RASA2: variants seen among roughly 807,000 people sequenced by gnomAD.
RASA2 encodes RAS p21 protein activator 2.
Under a neutral mutation model 118.2 loss-of-function variants are expected in RASA2, and 155 were observed. That is an observed-to-expected ratio of 1.31 (90% CI 1.15 to 1.50). The LOEUF (loss-of-function observed/expected upper bound fraction) is 1.50, where lower values mean the gene tolerates loss of function less well. RASA2 is among the 40% of genes most tolerant of loss of function. The pLI is 0.00. For synonymous variants in RASA2, 353 were observed against 349.1 expected (o/e 1.01, Z -0.12); for missense variants, 1,016 against 1,009.6 (o/e 1.01, Z -0.09).
chr3:141,570,087 C>CTTT (rs765302553), intron 9 of RASA2, among the ~76,000 whole-genome samples: 2 of 120,238 alleles, frequency 1.7e-5, no homozygotes, highest in African/African-American at 6.0e-5. Context: ...TGATAAAAAG[C>CTTT]TTTTTTTTTT....
intron 17 of RASA2, among the ~76,000 whole-genome samples, chr3:141,585,163 C>T (rs1282994027): frequency 1.3e-5 from 2 of 152,008 alleles, no homozygotes; most frequent in East Asian, 3.8e-4. Context: ...ATCATTGGGA[C>T]CAAAAGTATT....
At chr3:141,597,642 TA>T (rs764676847) in intron 19 of RASA2, among the ~76,000 whole-genome samples, 1 of 152,074 alleles carries the variant, frequency 6.6e-6, no homozygotes, top group Non-Finnish European at 1.5e-5. Context: ...CTTTTATTTT[TA>T]AAAAAAGAAA....
chr3:141,512,325 T>G (rs1330356601), intron 2 of RASA2, 45 bp downstream of exon 2: 4 of 1,274,922 alleles, frequency 3.1e-6, no homozygotes, highest in Non-Finnish European at 4.4e-6. Flanking sequence ...CTATATAGAT[T>G]GGTAAATATT....
At chr3:141,539,591 A>T (rs1474789249) in intron 4 of RASA2, among the ~76,000 whole-genome samples, 1 of 152,228 alleles carries the variant, frequency 6.6e-6, no homozygotes, top group Admixed American at 6.5e-5. Flanking sequence ...GAAATCACTC[A>T]CGTCATCAGT....
intron 11 of RASA2, 65 bp downstream of exon 11, chr3:141,571,619 T>C: frequency 6.7e-7 from 1 of 1,492,522 alleles, no homozygotes; most frequent in Middle Eastern, 1.7e-4. Flanking sequence ...GTTTGACAGA[T>C]TGATTTTGTA....
chr3:141,588,200 C>T (rs938030783), intron 19 of RASA2, among the ~76,000 whole-genome samples: 4 of 152,192 alleles, frequency 2.6e-5, no homozygotes, highest in African/African-American at 4.8e-5. Context: ...TGGAGGTATG[C>T]GTCTCCTTTT....
intron 4 of RASA2, among the ~76,000 whole-genome samples, chr3:141,535,345 G>T (rs1437728979): frequency 6.6e-6 from 1 of 152,062 alleles, no homozygotes; most frequent in Non-Finnish European, 1.5e-5. Flanking sequence ...TATTTCCAAG[G>T]TATGCCTGTA....
chr3:141,606,055 T>A (rs569462522), intron 19 of RASA2, among the ~76,000 whole-genome samples: 1 of 152,212 alleles, frequency 6.6e-6, no homozygotes, highest in Non-Finnish European at 1.5e-5. Flanking sequence ...GAGGGCCTGA[T>A]TGACCCAGCT....
chr3:141,521,022 A>G (rs1460961497), intron 3 of RASA2, among the ~76,000 whole-genome samples: 12 of 152,226 alleles, frequency 7.9e-5, no homozygotes. Context: ...GATAAAGAAC[A>G]CAGCAAGAAC....
At chr3:141,510,107 T>C (rs2081929517) in intron 1 of RASA2, among the ~76,000 whole-genome samples, 1 of 152,204 alleles carries the variant, frequency 6.6e-6, no homozygotes, top group Admixed American at 6.5e-5. Context: ...CTCTAAAATA[T>C]ATTGGTTTAA....
At position 141,515,306 on chromosome 3, in the gene RASA2, A is replaced by G. The variant is rs1000775854; in HGVS notation, c.252-1022A>G. Among the ~76,000 whole-genome samples the G allele has an allele frequency of 7.2e-5, 11 of 152,310 alleles. No homozygotes were observed. In the East Asian group the frequency reaches 2.1e-3, roughly 29 times the overall value. ...CATAACATTGGCTGTTTTAGGTATT[A>G]TGTATTGTAAATAATACAGCTTTAC... On this transcript the variant is annotated intron_variant, in intron 2 of 23. Transcript: ENST00000286364.
intron 7 of RASA2, among the ~76,000 whole-genome samples, chr3:141,557,766 A>G (rs2082671541): frequency 6.6e-6 from 1 of 152,194 alleles, no homozygotes; most frequent in African/African-American, 2.4e-5. Context: ...ATAGAGAGGA[A>G]GAGGCAGATA....
At chr3:141,574,633 T>G (rs2082981964) in intron 14 of RASA2, among the ~76,000 whole-genome samples, 1 of 152,212 alleles carries the variant, frequency 6.6e-6, no homozygotes, top group Admixed American at 6.5e-5. Context: ...CAAATCAAAA[T>G]CACCATTAAA....
In RASA2 at chr3:141,600,295, C is replaced by T. The variant is rs1019406115; in HGVS notation, c.1934-7383C>T. ...GTTTTCAGCCCCTTCTACTGCCTCA[C>T]ATTCTTCTCCTGCACTGTCTGATGT... On this transcript the variant is annotated intron_variant, in intron 19 of 23. Transcript: ENST00000286364. The T allele has an allele frequency of 1.3e-5, 7 of 538,082 alleles. No individual in the cohort carries two copies. The African/African-American group carries it at 1.4e-4, about 10-fold the overall frequency. The allele number at this position is 538,082 out of a possible 1,614,324, so 33.3% of individuals were successfully genotyped here.
intron 7 of RASA2, among the ~76,000 whole-genome samples, chr3:141,557,657 TGGCTTA>T (rs2082669920): frequency 6.6e-6 from 1 of 152,086 alleles, no homozygotes; most frequent in African/African-American, 2.4e-5. Context: ...GAGGTCCAGG[TGGCTTA>T]GGGAGAAAGA....
Position 141,496,978 on chromosome 3 carries a change from T to C in RASA2, c.133+9762T>C, listed in dbSNP as rs186347077. Among the ~76,000 whole-genome samples, 1,116 of 152,178 alleles carry C rather than the reference T, an allele frequency of 7.3e-3. 15 individuals carry two copies. The highest frequency in any genetic ancestry group is 0.025 in the African/African-American group (1,052 of 41,520). On this transcript the variant is annotated intron_variant, in intron 1 of 23. Transcript: ENST00000286364. Reference sequence around the variant, plus strand: ...GGCACATATACACCATGGAATACTATGCAGCCATAAAAATGGATGAATTCA... The same window carrying C: ...GGCACATATACACCATGGAATACTACGCAGCCATAAAAATGGATGAATTCA...
intron 19 of RASA2, among the ~76,000 whole-genome samples, chr3:141,603,719 C>A (rs1484864698): frequency 6.6e-6 from 1 of 152,096 alleles, no homozygotes; most frequent in Non-Finnish European, 1.5e-5. Context: ...CAAAAAGAAA[C>A]CCTATACCCA....
chr3:141,488,211 TTC>T (rs1011376842), intron 1 of RASA2, among the ~76,000 whole-genome samples: 8 of 152,184 alleles, frequency 5.3e-5, no homozygotes, highest in African/African-American at 7.2e-5. Flanking sequence ...GCTTTTTGTT[TTC>T]TGTTTGTAAG....
chr3:141,530,432 T>C (rs1210165755), intron 4 of RASA2, among the ~76,000 whole-genome samples: 3 of 152,164 alleles, frequency 2.0e-5, no homozygotes, highest in African/African-American at 7.2e-5. Context: ...TCTGAGTTGC[T>C]CTTAGAAATT....
Sources: gnomAD v4.1 joint callset for allele counts (sites outside exome capture counted in the v4.1 genomes callset) on GRCh38, gnomAD v4.1.1 for gene constraint, MANE v1.5 for transcripts, NCBI Gene and HGNC (gene_info 2026-07-23, HGNC 2026-07-21) for gene names.